The following BORA variants were observed in gnomAD, a reference collection of about 807,000 sequenced individuals.
BORA encodes the protein protein aurora borealis.
In BORA, 26 loss-of-function variants were observed where a neutral mutation model predicts 55.8. The observed-to-expected ratio is 0.47, with a 90% confidence interval of 0.34 to 0.65. The LOEUF is 0.65. BORA is among the 30% of genes least tolerant of loss of function. The pLI, the probability that BORA is intolerant of heterozygous loss-of-function variation, is 0.01. For synonymous variants in BORA, 201 were observed against 216.9 expected (o/e 0.93, Z 0.64); for missense variants, 568 against 671.5 (o/e 0.85, Z 1.70).
chr13:72,731,418 A>G (rs1404315632), intron 3 of BORA, 31 bp downstream of exon 3: 1 of 1,416,764 alleles, frequency 7.1e-7, no homozygotes, highest in Non-Finnish European at 1.0e-6. Flanking sequence ...CCTAAGTCTA[A>G]TAACACTCTC....
rs184286618 is a variant in BORA at position 72,731,305 on chromosome 13, A to C, written c.178A>C (p.Ile60Leu). ...LPTPGKFRWSIDQLAVINPVE... is the reference protein window; with the variant it reads ...LPTPGKFRWSLDQLAVINPVE... ...GACTCCAGGGAAATTTAGATGGTCT[A>C]TTGATCAACTAGCTGTAATAAATCC... Residue 60 changes from isoleucine (I) to leucine (L), a missense_variant, in exon 3 of 12, where the codon ATT becomes CTT. By Grantham distance (5) the Ile-to-Leu change is conservative (BLOSUM62 2). Transcript: ENST00000390667. 6.2e-7 allele frequency: 1 copy of C among 1,611,058 alleles called. No individual in the cohort carries two copies. The highest frequency in any genetic ancestry group is 1.3e-5 in the African/African-American group (1 of 74,828).
chr13:72,751,753 G>A (rs909794145), intron 10 of BORA, among the ~76,000 whole-genome samples: 4 of 152,136 alleles, frequency 2.6e-5, no homozygotes, highest in Non-Finnish European at 5.9e-5. Context: ...AGTTCCCAAC[G>A]CAATGATAAA....
chr13:72,734,600 C>A (rs1447557068), intron 3 of BORA, among the ~76,000 whole-genome samples: 1 of 152,082 alleles, frequency 6.6e-6, no homozygotes, highest in Non-Finnish European at 1.5e-5. Flanking sequence ...AAACTTTGGA[C>A]AATTTTTAGA....
At chr13:72,738,553 A>G (rs2032978265) in intron 5 of BORA, among the ~76,000 whole-genome samples, 1 of 151,946 alleles carries the variant, frequency 6.6e-6, no homozygotes, top group Non-Finnish European at 1.5e-5. Context: ...TTATCTTTCT[A>G]CCTCCAGGCA....
chr13:72,739,460 A>C (rs2032994411), intron 5 of BORA, among the ~76,000 whole-genome samples: 1 of 152,176 alleles, frequency 6.6e-6, no homozygotes, highest in Admixed American at 6.5e-5. Context: ...ATTTCTGCAC[A>C]CCTTTCATGA....
At chr13:72,739,966 TG>T (rs1361550905) in intron 5 of BORA, among the ~76,000 whole-genome samples, 1 of 151,918 alleles carries the variant, frequency 6.6e-6, no homozygotes, top group Non-Finnish European at 1.5e-5. Flanking sequence ...ACACAGTGAC[TG>T]AGAGATAGTC....
chr13:72,753,761 CAAAG>C lies in BORA; in HGVS notation c.1559_1562del (p.Glu520ValfsTer17). The C allele has an allele frequency of 6.2e-7, 1 of 1,613,136 alleles. No individual in the cohort carries two copies. Among genetic ancestry groups the C allele is most frequent in the Non-Finnish European group, 8.5e-7 (1 of 1,179,466 alleles). On this transcript the variant is annotated frameshift_variant, in exon 11 of 12. Coordinates refer to ENST00000390667, the MANE Select transcript of BORA (RefSeq NM_024808.5). LOFTEE classifies it high-confidence loss of function. ...ATACAGTTGGGGCAGAAAGTTACTG[CAAAG>C]AAAGTGATGCACAAACATGTGAAGT...
chr13:72,731,470 C>A, intron 3 of BORA, 83 bp downstream of exon 3: 1 of 1,070,262 alleles, frequency 9.3e-7, no homozygotes, highest in South Asian at 1.4e-5. Context: ...GAGTATTTTT[C>A]TATGTAAAGG....
intron 5 of BORA, among the ~76,000 whole-genome samples, chr13:72,742,745 T>A (rs943682647): frequency 6.8e-6 from 1 of 146,968 alleles, no homozygotes; most frequent in African/African-American, 2.5e-5. Context: ...ATGGACTTTT[T>A]AAAATGTGAT....
intron 2 of BORA, among the ~76,000 whole-genome samples, chr13:72,729,358 C>T (rs566660840): frequency 6.6e-6 from 1 of 151,716 alleles, no homozygotes; most frequent in East Asian, 1.9e-4. Flanking sequence ...CTGTGGTTGA[C>T]GATATAGCTA....
At chr13:72,751,786 A>T (rs1339370226) in intron 10 of BORA, among the ~76,000 whole-genome samples, 1 of 152,240 alleles carries the variant, frequency 6.6e-6, no homozygotes, top group Non-Finnish European at 1.5e-5. Context: ...TGGATATGCT[A>T]ATTACCCCAA....
At chr13:72,744,421 G>T (rs759607282) in intron 6 of BORA, 84 bp from the exon 7 acceptor site, 1 of 1,138,112 alleles carries the variant, frequency 8.8e-7, no homozygotes, top group Non-Finnish European at 1.3e-6. Context: ...TGATTGACTG[G>T]GCAGCACATG....
At chr13:72,750,927 G>C (rs1477216593) in intron 10 of BORA, among the ~76,000 whole-genome samples, 2 of 152,114 alleles carry the variant, frequency 1.3e-5, no homozygotes, top group East Asian at 3.9e-4. Context: ...GGATGGGTGT[G>C]GGTGCAAATG....
At chr13:72,728,265 A>G (rs1353762729) in intron 1 of BORA, 1 of 684,166 alleles carries the variant, frequency 1.5e-6, no homozygotes, top group South Asian at 1.5e-5. Context: ...GCCAAGGTGT[A>G]GCCTCTGTAG....
intron 10 of BORA, 125 bp from the exon 11 acceptor site, chr13:72,753,565 C>T: frequency 1.0e-6 from 1 of 1,002,274 alleles, no homozygotes; most frequent in Non-Finnish European, 1.4e-6. Context: ...TTTTGTTCAA[C>T]ATGATCAATA....
intron 2 of BORA, among the ~76,000 whole-genome samples, chr13:72,730,507 G>A (rs892054629): frequency 2.0e-5 from 3 of 152,140 alleles, no homozygotes; most frequent in African/African-American, 7.2e-5. Context: ...AGCACTGGTT[G>A]CCATTCATAA....
chr13:72,738,002 A>T lies in BORA; in HGVS notation c.347A>T (p.Asp116Val). 2 of 1,601,908 alleles carry T rather than the reference A, an allele frequency of 1.2e-6. No individual in the cohort carries two copies. The highest frequency in any genetic ancestry group is 4.5e-5 in the East Asian group (2 of 44,272). ...KDVIVPSPWT[D>V]HEGKQLSQCH... Reference sequence around the variant, plus strand: ...GTCATCGTACCCTCTCCTTGGACTGATCATGAAGGGAAACAGCTTTCACAA... The same window carrying T: ...GTCATCGTACCCTCTCCTTGGACTGTTCATGAAGGGAAACAGCTTTCACAA... Residue 116 changes from aspartate to valine, a missense_variant, in exon 5 of 12, where the codon GAT becomes GTT. By Grantham distance (152) the Asp-to-Val change is radical. Transcript: ENST00000390667.
rs1174240411 is a variant in BORA at position 72,729,746 on chromosome 13, TTTTG to T, written c.153+661_153+664del. The stretch of plus-strand genomic sequence containing the variant: ...AATTTTCACATGTCACAAGATATTT[TTTTG>T]TTTGTTTTCCCAACCATTTGAAACT... On this transcript the variant is annotated intron_variant, in intron 2 of 11. Transcript: ENST00000390667. Among the ~76,000 whole-genome samples, 7 of 152,218 alleles carry T rather than the reference TTTTG, an allele frequency of 4.6e-5. No homozygotes were observed. The South Asian group carries it at 6.2e-4, about 14-fold the overall frequency.
At chr13:72,749,869 G>A (rs1033755391) in intron 10 of BORA, among the ~76,000 whole-genome samples, 2 of 151,978 alleles carry the variant, frequency 1.3e-5, no homozygotes, top group Non-Finnish European at 2.9e-5. Context: ...ACATTAGCCA[G>A]GCCAGACCTC....
Sources: gnomAD v4.1 joint callset for allele counts (sites outside exome capture counted in the v4.1 genomes callset) on GRCh38, gnomAD v4.1.1 for gene constraint, MANE v1.5 for transcripts, NCBI Gene and HGNC (gene_info 2026-07-23, HGNC 2026-07-21) for gene names.